The following HERC5 variants were observed in gnomAD, a reference collection of about 807,000 sequenced individuals.
The protein encoded by HERC5 is HECT and RLD domain containing E3 ubiquitin protein ligase 5.
A neutral mutation model predicts 119.6 loss-of-function variants in HERC5; 99 were observed. That is an observed-to-expected ratio of 0.83 (90% CI 0.70 to 0.98). The LOEUF is 0.98. Among genes scored for constraint, HERC5 ranks in the 50% least tolerant of loss-of-function variants. HERC5 has a pLI of 0.00. For synonymous variants in HERC5, 478 were observed against 445.9 expected (o/e 1.07, Z -0.91); for missense variants, 1,267 against 1,241.3 (o/e 1.02, Z -0.31).
At chr4:88,466,786 T>G (rs1023380132) in intron 6 of HERC5, among the ~76,000 whole-genome samples, 5 of 152,164 alleles carry the variant, frequency 3.3e-5, no homozygotes, top group African/African-American at 1.2e-4. Context: ...CAAACTGATG[T>G]TGAAAAATGA....
At position 88,500,934 on chromosome 4, in the gene HERC5, A is replaced by G. The variant is rs1176697464; in HGVS notation, c.2531A>G (p.Asp844Gly). 1.2e-6 allele frequency: 2 copies of G among 1,612,142 alleles called. No homozygotes were observed. Among genetic ancestry groups the G allele is most frequent in the Admixed American group, 1.7e-5 (1 of 59,486 alleles). The change falls in exon 20 of 23, where the codon GAC (aspartate) becomes GGC (glycine). Residue 844 changes from aspartate (D) to glycine (G), a missense_variant. Physicochemically the swap from Asp to Gly is moderately conservative, Grantham distance 94 (BLOSUM62 -1). This residue lies in a region of HERC5 where 473 missense variants were observed against 445.7 expected (regional missense o/e 1.06). Transcript: ENST00000264350. ...IHFNVHWDRNDTNLIPNGSSI... is the reference protein window; with the variant it reads ...IHFNVHWDRNGTNLIPNGSSI... ...TTACAGGTGCACTGGGACAGAAACG[A>G]CACAAACTTAATTCCTAATGGAAGT...
intron 13 of HERC5, 25 bp downstream of exon 13, chr4:88,479,532 G>T: frequency 6.6e-7 from 1 of 1,524,964 alleles, no homozygotes; most frequent in Admixed American, 2.3e-5. Context: ...AGAAACCTCT[G>T]TGTTTTTATC....
intron 13 of HERC5, among the ~76,000 whole-genome samples, chr4:88,485,865 T>G (rs1741442792): frequency 6.6e-6 from 1 of 152,190 alleles, no homozygotes; most frequent in Non-Finnish European, 1.5e-5. Flanking sequence ...GAAAGTTCTT[T>G]AAAAATTTCC....
rs1275808440 is a variant in HERC5 at position 88,489,223 on chromosome 4, G to A, written c.2020G>A (p.Glu674Lys). ...SAAIEEERES[E>K]FALRPTFDLT... ...AGCAATTGAGGAAGAAAGAGAGTCTGAATTCGCTTTGAGGCCCACGTTTGA... is the reference window on the plus strand; with the variant it reads ...AGCAATTGAGGAAGAAAGAGAGTCTAAATTCGCTTTGAGGCCCACGTTTGA... Residue 674 changes from glutamate (E) to lysine (K), a missense_variant, in exon 16 of 23, where the codon GAA (glutamate) becomes AAA (lysine). Coordinates refer to ENST00000264350, the MANE Select transcript of HERC5 (RefSeq NM_016323.4). The A allele has an allele frequency of 6.2e-7, 1 of 1,613,904 alleles. No individual in the cohort carries two copies. The highest frequency in any genetic ancestry group is 8.5e-7 in the Non-Finnish European group (1 of 1,179,872).
intron 13 of HERC5, among the ~76,000 whole-genome samples, chr4:88,479,796 G>A (rs111780472): frequency 0.18 from 27,269 of 151,982 alleles, 2,658 homozygotes; most frequent in East Asian, 0.26. Flanking sequence ...GGCCGGGCGC[G>A]TTGGCTCACG....
intron 13 of HERC5, among the ~76,000 whole-genome samples, chr4:88,483,751 A>G (rs1293955516): frequency 2.6e-5 from 4 of 152,090 alleles, no homozygotes; most frequent in Non-Finnish European, 5.9e-5. Flanking sequence ...CTGGTCTCCC[A>G]ACTCCTGACC....
chr4:88,492,990 A>G (rs1327705232), intron 16 of HERC5, 22 bp from the exon 17 acceptor site: 1 of 1,612,280 alleles, frequency 6.2e-7, no homozygotes, highest in Non-Finnish European at 8.5e-7. Context: ...GAAGTGATGT[A>G]TTATTTGCTC....
Position 88,463,895 on chromosome 4 carries a change from A to T in HERC5, c.821A>T (p.Gln274Leu). The T allele has an allele frequency of 6.2e-7, 1 of 1,614,050 alleles. No homozygotes were observed. The change falls in exon 6 of 23, where the codon CAA becomes CTA. Residue 274 changes from glutamine to leucine, a missense_variant. Physicochemically the swap from Gln to Leu is moderately radical, Grantham distance 113. This residue lies in a region of HERC5 where 777 missense variants were observed against 758.0 expected (regional missense o/e 1.03). Transcript: ENST00000264350. Reference protein sequence around the residue: ...LFTFGAGKHGQLGHNSTQNEL... With the variant: ...LFTFGAGKHGLLGHNSTQNEL... ...ACTTTCGGTGCTGGAAAACATGGGCAACTTGGTCATAATTCAACACAGAAT... is the reference window on the plus strand; with the variant it reads ...ACTTTCGGTGCTGGAAAACATGGGCTACTTGGTCATAATTCAACACAGAAT...
chr4:88,466,414 T>C (rs1161302590), intron 6 of HERC5, among the ~76,000 whole-genome samples: 1 of 152,214 alleles, frequency 6.6e-6, no homozygotes, highest in East Asian at 1.9e-4. Flanking sequence ...GAGGCATGAT[T>C]GGTTAAATCA....
At chr4:88,500,227 G>A (rs1482284153) in intron 19 of HERC5, among the ~76,000 whole-genome samples, 1 of 152,142 alleles carries the variant, frequency 6.6e-6, no homozygotes, top group African/African-American at 2.4e-5. Context: ...GAACTGGGCC[G>A]ACTTGGCCAG....
intron 13 of HERC5, among the ~76,000 whole-genome samples, chr4:88,481,919 A>G (rs1741288679): frequency 6.6e-6 from 1 of 152,250 alleles, no homozygotes; most frequent in African/African-American, 2.4e-5. Context: ...AAAATAAAAT[A>G]TACTGTCCTC....
chr4:88,503,533 G>A (rs538805422), intron 20 of HERC5, among the ~76,000 whole-genome samples: 12 of 152,032 alleles, frequency 7.9e-5, no homozygotes, highest in Non-Finnish European at 1.6e-4. Flanking sequence ...TTTAAGTTTC[G>A]TTATTACTAA....
At chr4:88,501,272 A>G (rs950148641) in intron 20 of HERC5, among the ~76,000 whole-genome samples, 3 of 152,104 alleles carry the variant, frequency 2.0e-5, no homozygotes, top group African/African-American at 7.2e-5. Flanking sequence ...TTTTCTTTTC[A>G]TATCACACAT....
rs1438238945 is a variant in HERC5 at position 88,479,464 on chromosome 4, G to A, written c.1694G>A (p.Gly565Asp). 6.2e-7 allele frequency: 1 copy of A among 1,611,792 alleles called. No homozygotes were observed. Among genetic ancestry groups the A allele is most frequent in the Non-Finnish European group, 8.5e-7 (1 of 1,179,294 alleles). The change falls in exon 13 of 23, where the codon GGT becomes GAT. Residue 565 changes from glycine (G) to aspartate (D), a missense_variant. Gly to Asp is a moderately conservative substitution (Grantham distance 94, BLOSUM62 -1). Coordinates refer to ENST00000264350, the MANE Select transcript of HERC5 (RefSeq NM_016323.4). ...DYWDESAEEN[G>D]NVQALLEMLK... is the part of the protein sequence containing the mutation. ...TGGGATGAAAGTGCTGAGGAGAATG[G>A]TAATGTTCAAGCTCTCCTAGAAATG...
intron 20 of HERC5, among the ~76,000 whole-genome samples, 188 bp from the exon 21 acceptor site, chr4:88,504,044 G>C (rs1021147692): frequency 6.6e-6 from 1 of 151,364 alleles, no homozygotes; most frequent in Non-Finnish European, 1.5e-5. Context: ...TCCAGCCCAG[G>C]TGACAGTGCG....
chr4:88,479,943 T>G (rs1578054656), intron 13 of HERC5, among the ~76,000 whole-genome samples: 1 of 151,990 alleles, frequency 6.6e-6, no homozygotes, highest in East Asian at 1.9e-4. Context: ...GGCGGGCGCC[T>G]GTAGTCCCAG....
intron 16 of HERC5, among the ~76,000 whole-genome samples, chr4:88,490,221 G>T (rs1741591486): frequency 6.6e-6 from 1 of 152,062 alleles, no homozygotes; most frequent in Non-Finnish European, 1.5e-5. Flanking sequence ...CTGTCCTTGT[G>T]GCAAGAACTG....
chr4:88,492,887 A>T, intron 16 of HERC5, 125 bp from the exon 17 acceptor site: 1 of 761,662 alleles, frequency 1.3e-6, no homozygotes, highest in Non-Finnish European at 2.1e-6. Context: ...TAGGATACTT[A>T]CCTCAGTGCC....
chr4:88,464,551 T>G (rs1392552510), intron 6 of HERC5, among the ~76,000 whole-genome samples: 1 of 151,850 alleles, frequency 6.6e-6, no homozygotes, highest in Non-Finnish European at 1.5e-5. Context: ...TTTAAAGGTT[T>G]TTTGGTTTTC....
Sources: allele counts gnomAD v4.1 joint callset (sites outside exome capture counted in the v4.1 genomes callset), GRCh38; gene constraint gnomAD v4.1.1; regional missense constraint gnomAD v4.1.1; transcripts MANE v1.5; gene names NCBI Gene and HGNC (gene_info 2026-07-23, HGNC 2026-07-21).